FAT3: variants seen among roughly 807,000 people sequenced by gnomAD.
The protein encoded by FAT3 is FAT atypical cadherin 3, also known as protocadherin Fat 3.
FAT3 carries 95 observed loss-of-function variants against 310.2 expected under a neutral mutation model. The ratio of observed to expected loss-of-function variants is 0.31; its 90% CI spans 0.26 to 0.36. The LOEUF is 0.36. FAT3 is among the 10% of genes least tolerant of loss of function. FAT3 has a pLI of 1.00. For synonymous variants in FAT3, 2,314 were observed against 2,192.9 expected (o/e 1.06, Z -1.54); for missense variants, 5,408 against 5,715.6 (o/e 0.95, Z 1.74).
chr11:92,560,438 A>G (rs1279024255), intron 3 of FAT3, among the ~76,000 whole-genome samples: 2 of 152,032 alleles, frequency 1.3e-5, no homozygotes, highest in Middle Eastern at 3.2e-3. Context: ...TTTAATTTTA[A>G]TAAAGTCTAG....
chr11:92,590,922 C>T (rs1018246843), intron 3 of FAT3, among the ~76,000 whole-genome samples: 2 of 151,974 alleles, frequency 1.3e-5, no homozygotes, highest in Non-Finnish European at 2.9e-5. Context: ...AAGTCGATTA[C>T]AAGAAAAAAT....
At chr11:92,477,241 G>A (rs1049781591) in intron 2 of FAT3, among the ~76,000 whole-genome samples, 8 of 152,182 alleles carry the variant, frequency 5.3e-5, no homozygotes, top group Non-Finnish European at 7.3e-5. Context: ...TTATAGAACA[G>A]ATGACAATGT....
intron 13 of FAT3, 25 bp from the exon 14 acceptor site, chr11:92,831,597 T>C (rs1565631934): frequency 6.3e-7 from 1 of 1,592,490 alleles, no homozygotes; most frequent in South Asian, 1.1e-5. Flanking sequence ...TCTTGCCCAC[T>C]CATTTTCCTG....
chr11:92,494,363 C>A (rs183461646), intron 2 of FAT3, among the ~76,000 whole-genome samples: 10 of 151,988 alleles, frequency 6.6e-5, no homozygotes, highest in African/African-American at 2.4e-4. Context: ...AATAGTCACT[C>A]AATAAAATAT....
At chr11:92,888,146 C>A (rs1338413533) in intron 25 of FAT3, among the ~76,000 whole-genome samples, 1 of 152,160 alleles carries the variant, frequency 6.6e-6, no homozygotes, top group Non-Finnish European at 1.5e-5. Context: ...CTATTTTCAT[C>A]ACCACTTTCA....
Position 92,660,158 on chromosome 11 carries a change from T to C in FAT3, c.3608-37226T>C, listed in dbSNP as rs143488403. ...ACATAATAACAATCCAAATAACTCA[T>C]TGAATTTCTAGCAACATTTGTTTAT... On this transcript the variant is annotated intron_variant, in intron 3 of 27. Transcript: ENST00000525166. Among the ~76,000 whole-genome samples, 1,099 of 152,128 alleles carry C rather than the reference T, an allele frequency of 7.2e-3. 20 individuals are homozygous for C. Among genetic ancestry groups the C allele is most frequent in the Non-Finnish European group, 9.9e-3 (670 of 68,006 alleles).
At chr11:92,612,295 A>C (rs1268198597) in intron 3 of FAT3, among the ~76,000 whole-genome samples, 2 of 152,222 alleles carry the variant, frequency 1.3e-5, no homozygotes, top group Non-Finnish European at 2.9e-5. Flanking sequence ...CCCACTTTGC[A>C]AACTGACTCA....
At chr11:92,675,766 G>T (rs888632877) in intron 3 of FAT3, among the ~76,000 whole-genome samples, 1 of 152,098 alleles carries the variant, frequency 6.6e-6, no homozygotes, top group Non-Finnish European at 1.5e-5. Context: ...CATATTCTCC[G>T]CTAAGAACCA....
chr11:92,569,032 G>T (rs964111409), intron 3 of FAT3, among the ~76,000 whole-genome samples: 1 of 152,076 alleles, frequency 6.6e-6, no homozygotes, highest in Non-Finnish European at 1.5e-5. Flanking sequence ...TAATTTTGGG[G>T]GGTTGAAAGG....
chr11:92,546,750 C>G (rs902502837), intron 3 of FAT3, among the ~76,000 whole-genome samples: 2 of 152,072 alleles, frequency 1.3e-5, no homozygotes, highest in African/African-American at 2.4e-5. Flanking sequence ...CGGGGGCTAC[C>G]AGTGAGAACA....
chr11:92,305,468 G>A (rs532437832), intron 1 of FAT3, among the ~76,000 whole-genome samples: 1 of 152,158 alleles, frequency 6.6e-6, no homozygotes, highest in South Asian at 2.1e-4. Flanking sequence ...TGATGAAACA[G>A]GATATTTACT....
At chr11:92,446,629 C>T (rs1951216698) in intron 2 of FAT3, among the ~76,000 whole-genome samples, 1 of 151,800 alleles carries the variant, frequency 6.6e-6, no homozygotes, top group Admixed American at 6.6e-5. Flanking sequence ...TTTATTTTCA[C>T]TTAAAAGAAG....
chr11:92,691,614 C>T (rs988316268), intron 3 of FAT3, among the ~76,000 whole-genome samples: 7 of 152,102 alleles, frequency 4.6e-5, no homozygotes, highest in Admixed American at 4.6e-4. Context: ...CTCCTGGCCT[C>T]AAGCAATCCT....
chr11:92,595,880 G>T (rs980761574), intron 3 of FAT3, among the ~76,000 whole-genome samples: 4 of 152,098 alleles, frequency 2.6e-5, no homozygotes, highest in Non-Finnish European at 2.9e-5. Flanking sequence ...ACCTTCTGTC[G>T]TGCTGTCATG....
chr11:92,439,640 G>A (rs753603956), intron 2 of FAT3, among the ~76,000 whole-genome samples: 2 of 152,122 alleles, frequency 1.3e-5, no homozygotes, highest in Non-Finnish European at 1.5e-5. Flanking sequence ...TAAAGGCCAG[G>A]CATGGTGGCT....
chr11:92,732,734 T>G (rs983899634), intron 4 of FAT3, among the ~76,000 whole-genome samples: 3 of 152,210 alleles, frequency 2.0e-5, no homozygotes, highest in African/African-American at 7.2e-5. Context: ...AGAAATAACA[T>G]GTTAATTATT....
chr11:92,597,937 G>A (rs569866555), intron 3 of FAT3, among the ~76,000 whole-genome samples: 2 of 152,150 alleles, frequency 1.3e-5, no homozygotes, highest in East Asian at 3.9e-4. Flanking sequence ...GCTTATGGTT[G>A]GAGAATAATT....
chr11:92,428,231 C>A (rs1950679187), intron 2 of FAT3, among the ~76,000 whole-genome samples: 1 of 150,658 alleles, frequency 6.6e-6, no homozygotes, highest in African/African-American at 2.4e-5. Context: ...TCCCCTTTAT[C>A]ATTTTTATTG....
At chr11:92,841,231 G>A (rs577386738) in intron 18 of FAT3, among the ~76,000 whole-genome samples, 18 of 152,212 alleles carry the variant, frequency 1.2e-4, no homozygotes, top group East Asian at 3.9e-4. Flanking sequence ...CCTGTGTGAC[G>A]TAAAATGGGC....
Sources: gnomAD v4.1 joint callset for allele counts (sites outside exome capture counted in the v4.1 genomes callset) on GRCh38, gnomAD v4.1.1 for gene constraint, MANE v1.5 for transcripts, NCBI Gene and HGNC (gene_info 2026-07-23, HGNC 2026-07-21) for gene names.